GSG1: variants seen among roughly 807,000 people sequenced by gnomAD.
GSG1 encodes germ cell associated 1, also known as germ cell-specific gene 1 protein.
Under a neutral mutation model 30.8 loss-of-function variants are expected in GSG1, and 28 were observed. The observed-to-expected ratio is 0.91, with a 90% CI of 0.67 to 1.25. The LOEUF (loss-of-function observed/expected upper bound fraction) is 1.25. GSG1 is among the 50% of genes most tolerant of loss of function. GSG1 has a pLI of 0.00. For synonymous variants in GSG1, 162 were observed against 178.0 expected, an observed-to-expected ratio of 0.91 and a Z score of 0.71; for missense variants, 435 against 444.7, an observed-to-expected ratio of 0.98 and a Z score of 0.20.
rs578031653 is a variant in GSG1 at position 13,103,594 on chromosome 12, C to A, written c.-82G>T. ...TCAGTTGGGTAGAATGAGTGTTTAG[C>A]GTGAGGATGAATCAGGTCCCCTCTT... On this transcript the variant is annotated 5_prime_UTR_variant, in exon 1 of 7. Coordinates refer to ENST00000651961, the MANE Select transcript of GSG1 (RefSeq NM_001080555.4). 1.3e-5 allele frequency: 19 copies of A among 1,471,568 alleles called. No homozygotes were observed. Among genetic ancestry groups the A allele is most frequent in the Non-Finnish European group, 1.8e-5 (19 of 1,053,380 alleles). 91.2% of individuals were successfully genotyped at this position (1,471,568 alleles called of 1,614,324 possible).
At chr12:13,088,802 A>G (rs1865802490) in intron 4 of GSG1, 60 bp downstream of exon 4, 1 of 1,614,196 alleles carries the variant, frequency 6.2e-7, no homozygotes, top group Non-Finnish European at 8.5e-7. Context: ...TTCCCTCCAA[A>G]TCGGAGAGTG....
At position 13,085,170 on chromosome 12, in the gene GSG1, G is replaced by A. The variant is rs756701690; in HGVS notation, c.820C>T (p.Leu274=). Residue 274 remains leucine, a synonymous_variant, in exon 7 of 7, where the codon CTG becomes TTG. Transcript: ENST00000651961. ...TTACTATGCTTGCACTTGAACTCCA[G>A]CACCATCCTGGTGTACGTGTTGAAG... is the stretch of plus-strand genomic sequence containing the variant. The part of the protein sequence containing the change: ...TTFNTYTRMV[L]EFKCKHSKSF... 20 of 1,613,954 alleles carry A rather than the reference G, an allele frequency of 1.2e-5. No individual in the cohort carries two copies. Among genetic ancestry groups the A allele is most frequent in the Non-Finnish European group, 1.7e-5 (20 of 1,179,912 alleles).
At position 13,084,633 on chromosome 12, in the gene GSG1, G is replaced by T. The variant is rs1865333863; in HGVS notation, c.*268C>A. On this transcript the variant is annotated 3_prime_UTR_variant, in exon 7 of 7. Transcript: ENST00000651961. ...CTCTTCTTTTTATCTCCATGGTTTA[G>T]CCCAGAACCTGGCACAGAAACTATC... 3 of 331,612 alleles carry T rather than the reference G, an allele frequency of 9.0e-6. No homozygotes were observed. Among genetic ancestry groups the T allele is most frequent in the South Asian group, 1.6e-4 (2 of 12,650 alleles). The allele number at this position is 331,612 out of a possible 1,614,324, so 20.5% of individuals were successfully genotyped here. A position where few individuals can be genotyped will look rare whatever the true frequency, so the allele number is the denominator to read the frequency against.
intron 1 of GSG1, among the ~76,000 whole-genome samples, chr12:13,099,230 T>C (rs935718439): frequency 2.6e-5 from 4 of 152,188 alleles, no homozygotes; most frequent in Non-Finnish European, 5.9e-5. Context: ...CTTCCTTTCA[T>C]TGTAATTTGG....
Position 13,084,988 on chromosome 12 carries a change from G to A in GSG1, c.1002C>T (p.Ser334=), listed in dbSNP as rs372526990. ...TTTGAAATCCCTTGTTCCGCAGCTC[G>A]GAGTAGAAGTCGACTCCCTCAGAGA... ...HSVSEGVDFY[S]ELRNKGFQRG... The change falls in exon 7 of 7, where the codon TCC becomes TCT. Residue 334 remains serine (S), a synonymous_variant. Coordinates refer to ENST00000651961, the MANE Select transcript of GSG1 (RefSeq NM_001080555.4). The A allele has an allele frequency of 4.2e-5, 65 of 1,553,520 alleles. No individual in the cohort carries two copies. In the African/African-American group the frequency reaches 4.4e-4, roughly 10 times the overall value.
chr12:13,091,183 C>T (rs1279794178), intron 1 of GSG1, among the ~76,000 whole-genome samples: 1 of 152,176 alleles, frequency 6.6e-6, no homozygotes, highest in Non-Finnish European at 1.5e-5. Context: ...GTCCCTTTCC[C>T]CAGAGCCAGC....
Position 13,099,851 on chromosome 12 carries a change from A to G in GSG1, c.48+3614T>C, listed in dbSNP as rs181838922. On this transcript the variant is annotated intron_variant, in intron 1 of 6. Transcript: ENST00000651961. ...CTGGCAGGAGTATCTCTGTCCTCCC[A>G]GGAGCTAGATTTCTGACCCACGCGC... is the stretch of plus-strand genomic sequence containing the variant. Among the ~76,000 whole-genome samples, 14 of 145,160 alleles carry G rather than the reference A, an allele frequency of 9.6e-5. No individual in the cohort carries two copies. The East Asian group carries it at 2.9e-3, about 30-fold the overall frequency.
At chr12:13,086,792 C>A (rs73068972) in intron 6 of GSG1, among the ~76,000 whole-genome samples, 335 of 152,074 alleles carry the variant, frequency 2.2e-3, no homozygotes, top group Non-Finnish European at 3.8e-3. Context: ...TTCTCTAATA[C>A]CTTGAATCAT....
chr12:13,090,503 C>A lies in GSG1; in HGVS notation c.364G>T (p.Ala122Ser), dbSNP rs1305782294. ...TCTTATATCCCAGAATGTAGGCTAC[C>A]TGGTTCTTCCACAGTTTCCTCACAG... ...LSCEETVEEPALLHPQSWKQF... is the reference protein window; with the variant it reads ...LSCEETVEEPSLLHPQSWKQF... Residue 122 changes from alanine (A) to serine (S), a missense_variant and splice_region_variant, in exon 2 of 7, where the codon GCA (alanine) becomes TCA (serine). Ala to Ser is a moderately conservative substitution (Grantham distance 99). Coordinates refer to ENST00000651961, the MANE Select transcript of GSG1 (RefSeq NM_001080555.4). The A allele has an allele frequency of 6.2e-7, 1 of 1,605,908 alleles. No individual in the cohort carries two copies. Among genetic ancestry groups the A allele is most frequent in the Non-Finnish European group, 8.5e-7 (1 of 1,174,076 alleles).
At chr12:13,103,036 C>T (rs1480642552) in intron 1 of GSG1, among the ~76,000 whole-genome samples, 1 of 152,244 alleles carries the variant, frequency 6.6e-6, no homozygotes, top group Non-Finnish European at 1.5e-5. Context: ...AGCTTGATGT[C>T]TGCTCTTTCA....
chr12:13,096,859 A>C (rs1256781677), intron 1 of GSG1, among the ~76,000 whole-genome samples: 1 of 152,098 alleles, frequency 6.6e-6, no homozygotes, highest in Admixed American at 6.5e-5. Context: ...AGGCTGAGGC[A>C]GGTGGATCAC....
rs1865702267 is a variant in GSG1, at chr12:13,087,974, T to TAGCA, written c.563_566dup (p.Leu190AlafsTer93). On this transcript the variant is annotated frameshift_variant, in exon 5 of 7. Transcript: ENST00000651961. LOFTEE classifies it high-confidence loss of function. ...GCCCACAGGCAGGGTTCCCAGTGAG[T>TAGCA]AGCAAGTCTGTTAGTAGCAGGAGGA... The TAGCA allele has an allele frequency of 4.3e-6, 7 of 1,614,164 alleles. No homozygotes were observed. The highest frequency in any genetic ancestry group is 5.9e-6 in the Non-Finnish European group (7 of 1,180,022).
At chr12:13,086,879 C>T (rs1338075403) in intron 6 of GSG1, among the ~76,000 whole-genome samples, 1 of 152,100 alleles carries the variant, frequency 6.6e-6, no homozygotes, top group Non-Finnish European at 1.5e-5. Context: ...GACAAATATA[C>T]CAGGTAAAGA....
intron 4 of GSG1, 169 bp downstream of exon 4, chr12:13,088,693 C>CTATGGTTA (rs1418220007): frequency 2.8e-5 from 44 of 1,563,424 alleles, no homozygotes; most frequent in Non-Finnish European, 3.7e-5. Context: ...TCCGGAGAGG[C>CTATGGTTA]CCAAGTCAAT....
intron 1 of GSG1, chr12:13,095,520 A>C (rs1361069020): frequency 1.6e-5 from 21 of 1,283,320 alleles, no homozygotes; most frequent in Non-Finnish European, 2.4e-5. Flanking sequence ...TCGATGAGGC[A>C]GGTGCACTTC....
chr12:13,086,867 G>A (rs1279987616), intron 6 of GSG1, among the ~76,000 whole-genome samples: 1 of 152,164 alleles, frequency 6.6e-6, no homozygotes, highest in African/African-American at 2.4e-5. Flanking sequence ...TTTCCCCAGG[G>A]TGACAAATAT....
intron 5 of GSG1, among the ~76,000 whole-genome samples, chr12:13,087,536 A>G (rs1337471817): frequency 2.6e-5 from 4 of 151,222 alleles, no homozygotes; most frequent in Admixed American, 2.0e-4. Context: ...CACCACCCCT[A>G]CTCCTTCCCA....
At position 13,087,103 on chromosome 12, in the gene GSG1, C is replaced by T. The variant is rs754761865; in HGVS notation, c.746+49G>A. On this transcript the variant is annotated intron_variant, in intron 6 of 6. Transcript: ENST00000651961. ...GCATCTAGCTGAGGGCAGAAAATCT[C>T]GTGAAGGTTGGCTGGGGCTACAAAG... is the stretch of plus-strand genomic sequence containing the variant. 52 of 1,286,496 alleles carry T rather than the reference C, an allele frequency of 4.0e-5. No individual in the cohort carries two copies. The East Asian group carries it at 6.7e-4, about 17-fold the overall frequency. The allele number at this position is 1,286,496 out of a possible 1,614,324, so 79.7% of individuals were successfully genotyped here.
In GSG1 at chr12:13,101,693, T is replaced by G. The variant is rs551968205; in HGVS notation, c.48+1772A>C. ...GGCCGGTGGGCCAGGGCTCGGGATGTGTCGAGCTGCTGGAGTCCAAAGTCA... is the reference window on the plus strand; with the variant it reads ...GGCCGGTGGGCCAGGGCTCGGGATGGGTCGAGCTGCTGGAGTCCAAAGTCA... On this transcript the variant is annotated intron_variant, in intron 1 of 6. Coordinates refer to ENST00000651961, the MANE Select transcript of GSG1 (RefSeq NM_001080555.4). The surrounding 1 kb of genome is among the most constrained non-coding windows in gnomAD (Gnocchi z 5.8). Among the ~76,000 whole-genome samples the G allele has an allele frequency of 6.6e-6, 1 of 152,276 alleles. No individual in the cohort carries two copies. The highest frequency in any genetic ancestry group is 2.4e-5 in the African/African-American group (1 of 41,572).
Sources: allele counts gnomAD v4.1 joint callset (sites outside exome capture counted in the v4.1 genomes callset), GRCh38; gene constraint gnomAD v4.1.1; non-coding constraint Gnocchi (gnomAD v3.1); transcripts MANE v1.5; gene names NCBI Gene and HGNC (gene_info 2026-07-23, HGNC 2026-07-21).